SPIDR: variants seen among roughly 807,000 people sequenced by gnomAD.
SPIDR encodes DNA repair-scaffolding protein.
In SPIDR, 93 loss-of-function variants were observed where a neutral mutation model predicts 104.6. The ratio of observed to expected loss-of-function variants is 0.89; its 90% confidence interval spans 0.75 to 1.06. SPIDR has a LOEUF of 1.06. SPIDR is among the 50% of genes least tolerant of loss of function. The pLI is 0.00. For missense variants in SPIDR, 1,154 were observed against 1,111.2 expected (o/e 1.04, Z -0.55); for synonymous variants, 431 against 416.9 (o/e 1.03, Z -0.41).
At chr8:47,554,673 G>A (rs1212833537) in intron 8 of SPIDR, among the ~76,000 whole-genome samples, 1 of 152,196 alleles carries the variant, frequency 6.6e-6, no homozygotes, top group Non-Finnish European at 1.5e-5. Context: ...CCTAGGAAAG[G>A]GAATTCCCCG....
At chr8:47,284,003 T>G in intron 2 of SPIDR, 25 bp from the exon 3 acceptor site, 8 of 1,567,882 alleles carry the variant, frequency 5.1e-6, no homozygotes, top group Non-Finnish European at 6.9e-6. Context: ...TCACATAAAT[T>G]CCATGATTAT....
chr8:47,465,164 A>C (rs1554716218), intron 8 of SPIDR, among the ~76,000 whole-genome samples: 1 of 152,190 alleles, frequency 6.6e-6, no homozygotes, highest in Non-Finnish European at 1.5e-5. Flanking sequence ...CAGACAAGCA[A>C]ATGCTGAGGG....
chr8:47,422,351 T>A (rs2154335228), intron 7 of SPIDR, among the ~76,000 whole-genome samples: 1 of 152,276 alleles, frequency 6.6e-6, no homozygotes, highest in East Asian at 1.9e-4. Flanking sequence ...TGCAGTTTGA[T>A]TTCAGACTGC....
chr8:47,717,989 G>T (rs1320136216), intron 16 of SPIDR, among the ~76,000 whole-genome samples: 2 of 152,176 alleles, frequency 1.3e-5, no homozygotes, highest in African/African-American at 4.8e-5. Flanking sequence ...GGCACATGCT[G>T]TTGGCACCCT....
At chr8:47,720,635 T>C (rs571578416) in intron 16 of SPIDR, among the ~76,000 whole-genome samples, 20 of 152,250 alleles carry the variant, frequency 1.3e-4, no homozygotes, top group Non-Finnish European at 2.9e-4. Flanking sequence ...TCTGTTCAAA[T>C]CATTTGCCCA....
chr8:47,732,190 T>C (rs1420472181), intron 19 of SPIDR: 11 of 702,560 alleles, frequency 1.6e-5, no homozygotes, highest in Non-Finnish European at 2.9e-5. Flanking sequence ...TCCTTCTGGC[T>C]AAGGTGCTTG....
intron 16 of SPIDR, among the ~76,000 whole-genome samples, chr8:47,715,306 A>T (rs930223206): frequency 6.6e-6 from 1 of 152,038 alleles, no homozygotes; most frequent in African/African-American, 2.4e-5. Flanking sequence ...CCTCCCAAGT[A>T]GCTGGGATTA....
At chr8:47,656,148 G>A in intron 10 of SPIDR, among the ~76,000 whole-genome samples, 1 of 152,014 alleles carries the variant, frequency 6.6e-6, no homozygotes. Context: ...GTACATATTA[G>A]GCAATGGTTT....
intron 9 of SPIDR, among the ~76,000 whole-genome samples, chr8:47,596,793 T>TA (rs1331208300): frequency 1.3e-5 from 2 of 152,192 alleles, no homozygotes; most frequent in African/African-American, 4.8e-5. Context: ...TGTACAGCTA[T>TA]AAAAAATATT....
chr8:47,582,157 C>T (rs1051825529), intron 8 of SPIDR, among the ~76,000 whole-genome samples: 4 of 149,304 alleles, frequency 2.7e-5, no homozygotes, highest in African/African-American at 7.4e-5. Flanking sequence ...GCATAGGTTG[C>T]GGTGAGCCGC....
At chr8:47,698,269 GT>G (rs2079641025) in intron 11 of SPIDR, among the ~76,000 whole-genome samples, 1 of 152,200 alleles carries the variant, frequency 6.6e-6, no homozygotes, top group South Asian at 2.1e-4. Context: ...TTAAAAGAAT[GT>G]TTCCTGTGTA....
chr8:47,564,793 A>T (rs190319157), intron 8 of SPIDR, among the ~76,000 whole-genome samples: 3 of 152,270 alleles, frequency 2.0e-5, no homozygotes, highest in Admixed American at 1.3e-4. Context: ...ATAGTTTGAT[A>T]TATATAATAC....
At chr8:47,380,159 A>G (rs549900721) in intron 5 of SPIDR, among the ~76,000 whole-genome samples, 1 of 152,318 alleles carries the variant, frequency 6.6e-6, no homozygotes, top group African/African-American at 2.4e-5. Flanking sequence ...CCAGGTTTTG[A>G]GTGTAGGTCT....
chr8:47,521,198 G>A (rs1013538418), intron 8 of SPIDR, among the ~76,000 whole-genome samples: 4 of 152,132 alleles, frequency 2.6e-5, no homozygotes, highest in Admixed American at 1.3e-4. Flanking sequence ...GCAAAGTTGA[G>A]GTCAACCTCA....
intron 8 of SPIDR, among the ~76,000 whole-genome samples, chr8:47,539,461 T>C (rs759832247): frequency 6.6e-6 from 1 of 152,196 alleles, no homozygotes; most frequent in East Asian, 1.9e-4. Context: ...TTCAATGTTA[T>C]TAATTGTTAT....
At chr8:47,381,941 T>C (rs570237169) in intron 5 of SPIDR, among the ~76,000 whole-genome samples, 7 of 152,358 alleles carry the variant, frequency 4.6e-5, no homozygotes, top group Non-Finnish European at 1.0e-4. Flanking sequence ...ACCAGCTGGG[T>C]AGCATTTAGC....
chr8:47,683,993 GCA>G (rs1307442358), intron 11 of SPIDR, among the ~76,000 whole-genome samples: 1 of 151,744 alleles, frequency 6.6e-6, no homozygotes, highest in East Asian at 1.9e-4. Flanking sequence ...TGGCATAGAG[GCA>G]CGTGCCTGTA....
intron 8 of SPIDR, among the ~76,000 whole-genome samples, chr8:47,447,564 C>G (rs2070898000): frequency 6.6e-6 from 1 of 152,190 alleles, no homozygotes. Flanking sequence ...ATGCTGTGAA[C>G]ATTGTTGAGA....
intron 5 of SPIDR, among the ~76,000 whole-genome samples, chr8:47,337,249 T>A (rs1345284540): frequency 2.0e-5 from 3 of 152,070 alleles, no homozygotes; most frequent in Non-Finnish European, 2.9e-5. Flanking sequence ...CACCTCTGCC[T>A]CCTGAGTAAC....
Sources: gnomAD v4.1 joint callset for allele counts (sites outside exome capture counted in the v4.1 genomes callset) on GRCh38, gnomAD v4.1.1 for gene constraint, MANE v1.5 for transcripts, NCBI Gene and HGNC (gene_info 2026-07-23, HGNC 2026-07-21) for gene names.